The following HTR1D variants were observed in gnomAD, a reference collection of about 807,000 sequenced individuals.
HTR1D encodes 5-hydroxytryptamine receptor 1D.
HTR1D carries 18 observed loss-of-function variants against 21.1 expected under a neutral mutation model. The ratio of observed to expected loss-of-function variants is 0.85; its 90% confidence interval spans 0.59 to 1.27. The LOEUF is 1.27. HTR1D is among the 50% of genes most tolerant of loss of function. The pLI is 0.00. For synonymous variants in HTR1D, 196 were observed against 204.4 expected, an observed-to-expected ratio of 0.96 and a Z score of 0.35; for missense variants, 456 against 481.4, an observed-to-expected ratio of 0.95 and a Z score of 0.49.
At chr1:23,213,395 G>T (rs962776757) in intron 1 of HTR1D, among the ~76,000 whole-genome samples, 2 of 152,120 alleles carry the variant, frequency 1.3e-5, no homozygotes, top group Non-Finnish European at 2.9e-5. Flanking sequence ...CAGGAGAATC[G>T]CTTGAGCCTG....
intron 1 of HTR1D, among the ~76,000 whole-genome samples, chr1:23,211,609 TTATGTATGTATGTATG>T (rs58459077): frequency 0.018 from 2,671 of 146,728 alleles, 80 homozygotes; most frequent in African/African-American, 0.062. Context: ...CAAATCCTTT[TTATGTATGTATGTATG>T]TATGTATGTA....
At chr1:23,204,676 T>G (rs1049197440) in intron 1 of HTR1D, among the ~76,000 whole-genome samples, 1 of 152,238 alleles carries the variant, frequency 6.6e-6, no homozygotes, top group Non-Finnish European at 1.5e-5. Flanking sequence ...GAAGTGACAG[T>G]AAGCCAGTGC....
At chr1:23,207,219 G>GA (rs1644734967) in intron 1 of HTR1D, among the ~76,000 whole-genome samples, 2 of 152,080 alleles carry the variant, frequency 1.3e-5, no homozygotes, top group African/African-American at 4.8e-5. Flanking sequence ...CCAACATGGA[G>GA]AAACCCCGTC....
intron 1 of HTR1D, among the ~76,000 whole-genome samples, chr1:23,201,849 A>T (rs1446193642): frequency 2.0e-5 from 3 of 151,638 alleles, no homozygotes; most frequent in Non-Finnish European, 4.4e-5. Flanking sequence ...CACTGTGCCC[A>T]GCCAAGACAG....
intron 1 of HTR1D, among the ~76,000 whole-genome samples, chr1:23,197,549 G>A (rs191244229): frequency 9.9e-5 from 15 of 151,270 alleles, no homozygotes; most frequent in African/African-American, 3.6e-4. Flanking sequence ...TGGCCAACAT[G>A]GTGAAACCCC....
chr1:23,213,958 G>A (rs891215863), intron 1 of HTR1D, among the ~76,000 whole-genome samples: 2 of 152,098 alleles, frequency 1.3e-5, no homozygotes, highest in Non-Finnish European at 2.9e-5. Context: ...GCCCTCTCCC[G>A]ACTCCAGGTT....
At chr1:23,211,182 G>A (rs961218667) in intron 1 of HTR1D, among the ~76,000 whole-genome samples, 1 of 152,200 alleles carries the variant, frequency 6.6e-6, no homozygotes. Flanking sequence ...GTGACCTTAG[G>A]CAAGTTACTC....
intron 1 of HTR1D, among the ~76,000 whole-genome samples, chr1:23,196,876 G>T (rs1357687449): frequency 6.6e-6 from 1 of 152,168 alleles, no homozygotes; most frequent in Admixed American, 6.5e-5. Context: ...CTTAAGGCAC[G>T]CGTGTATAGC....
At chr1:23,205,809 TG>T (rs1644727922) in intron 1 of HTR1D, among the ~76,000 whole-genome samples, 1 of 152,162 alleles carries the variant, frequency 6.6e-6, no homozygotes, top group Admixed American at 6.5e-5. Context: ...CCCAAAGTGT[TG>T]GGATTACAGG....
Position 23,193,192 on chromosome 1 carries a change from C to T in HTR1D, c.1028G>A (p.Trp343Ter), listed in dbSNP as rs1644666869. 3.7e-6 allele frequency: 6 copies of T among 1,614,032 alleles called. No individual in the cohort carries two copies. The highest frequency in any genetic ancestry group is 5.1e-6 in the Non-Finnish European group (6 of 1,179,994). Residue 343 changes from tryptophan (W) to a stop codon, truncating the protein, a stop_gained, in exon 2 of 2, where the codon TGG becomes TAG. Coordinates refer to ENST00000374619, the MANE Select transcript of HTR1D (RefSeq NM_000864.5). LOFTEE classifies it high-confidence loss of function. ...IHPALFDFFTWLGYLNSLINP... is the reference protein window; with the variant it reads ...IHPALFDFFT ...GATGAGGGAGTTTAAATAGCCTAGC[C>T]AGGTGAAGAAGTCAAAGAGCGCCGG...
chr1:23,198,242 T>C (rs911924146), intron 1 of HTR1D, among the ~76,000 whole-genome samples: 3 of 149,776 alleles, frequency 2.0e-5, no homozygotes, highest in Non-Finnish European at 4.4e-5. Flanking sequence ...GGTGGGCGCC[T>C]GTAGTCCCAG....
At chr1:23,208,717 A>C (rs923771822) in intron 1 of HTR1D, among the ~76,000 whole-genome samples, 1 of 152,176 alleles carries the variant, frequency 6.6e-6, no homozygotes, top group African/African-American at 2.4e-5. Flanking sequence ...CATTTTACAG[A>C]CGAAGAAACT....
At chr1:23,196,876 G>A (rs1357687449) in intron 1 of HTR1D, among the ~76,000 whole-genome samples, 9 of 152,168 alleles carry the variant, frequency 5.9e-5, no homozygotes, top group South Asian at 2.1e-4. Flanking sequence ...CTTAAGGCAC[G>A]CGTGTATAGC....
intron 1 of HTR1D, among the ~76,000 whole-genome samples, chr1:23,203,459 C>A (rs1342577632): frequency 6.6e-6 from 1 of 152,042 alleles, no homozygotes; most frequent in African/African-American, 2.4e-5. Flanking sequence ...GAGTTTGAGA[C>A]CAGCATGAGC....
intron 1 of HTR1D, among the ~76,000 whole-genome samples, chr1:23,207,113 G>T (rs1644734686): frequency 6.6e-6 from 1 of 152,006 alleles, no homozygotes; most frequent in Non-Finnish European, 1.5e-5. Flanking sequence ...AAAAATACAA[G>T]TCAGGCCGGG....
At chr1:23,213,479 A>AAAAACTAAAC (rs1644761808) in intron 1 of HTR1D, among the ~76,000 whole-genome samples, 1 of 150,920 alleles carries the variant, frequency 6.6e-6, no homozygotes, top group East Asian at 2.0e-4. Context: ...GACTCCGTCT[A>AAAAACTAAAC]AAAACAAAAC....
chr1:23,208,493 C>T (rs1355075470), intron 1 of HTR1D, among the ~76,000 whole-genome samples: 1 of 151,852 alleles, frequency 6.6e-6, no homozygotes, highest in Admixed American at 6.6e-5. Context: ...ATCGCTTGAA[C>T]CCAGGAGGCG....
intron 1 of HTR1D, among the ~76,000 whole-genome samples, chr1:23,199,380 T>TGCTGG (rs1644701313): frequency 6.7e-6 from 1 of 148,578 alleles, no homozygotes; most frequent in Non-Finnish European, 1.5e-5. Context: ...CCTTCTAAAG[T>TGCTGG]GCTGGGATTA....
chr1:23,202,804 AC>A (rs1644715159), intron 1 of HTR1D, among the ~76,000 whole-genome samples: 1 of 152,032 alleles, frequency 6.6e-6, no homozygotes, highest in South Asian at 2.1e-4. Context: ...CCTGCATGGG[AC>A]CTCCTACAGC....
Sources: allele counts gnomAD v4.1 joint callset (sites outside exome capture counted in the v4.1 genomes callset), GRCh38; gene constraint gnomAD v4.1.1; transcripts MANE v1.5; gene names NCBI Gene and HGNC (gene_info 2026-07-23, HGNC 2026-07-21).